LILRA2: variants seen among roughly 807,000 people sequenced by gnomAD.
LILRA2 encodes the protein leukocyte immunoglobulin-like receptor subfamily A member 2.
In LILRA2, 45 loss-of-function variants were observed where a neutral mutation model predicts 47.9. The observed-to-expected ratio is 0.94, with a 90% confidence interval of 0.74 to 1.20. LILRA2 has a LOEUF of 1.20. LILRA2 is among the 50% of genes most tolerant of loss of function. The pLI, the probability that LILRA2 is intolerant of heterozygous loss-of-function variation, is 0.00. For synonymous variants in LILRA2, 279 were observed against 249.2 expected (o/e 1.12, Z -1.13); for missense variants, 651 against 598.2 (o/e 1.09, Z -0.92).
Position 54,577,067 on chromosome 19 carries a change from A to AAAAAG in LILRA2, c.1255+958_1255+959insAAAAG, listed in dbSNP as rs1405874487. Among the ~76,000 whole-genome samples the AAAAAG allele has an allele frequency of 3.5e-3, 409 of 115,362 alleles. No individual in the cohort carries two copies. In the South Asian group the frequency reaches 0.066, roughly 19 times the overall value. 75.7% of individuals were successfully genotyped at this position (115,362 alleles called of 152,430 possible). A position where few individuals can be genotyped will look rare whatever the true frequency, so the allele number is the denominator to read the frequency against. On this transcript the variant is annotated intron_variant, in intron 6 of 7. Transcript: ENST00000391738. ...ACTGAGACTTGTTAAGAGTTAAAAA[A>AAAAAG]CCAACGGAGATGGGGGCAGGTGCAT...
chr19:54,575,716 C>A lies in LILRA2; in HGVS notation c.953-91C>A, dbSNP rs902046183. On this transcript the variant is annotated intron_variant, in intron 5 of 7. Transcript: ENST00000391738. ...AGGGGAGACTCAGAGAAAACAGAGACAGAGAGACTAAGGGTCCCAGGGAGA... is the reference window on the plus strand; with the variant it reads ...AGGGGAGACTCAGAGAAAACAGAGAAAGAGAGACTAAGGGTCCCAGGGAGA... 3 of 1,587,058 alleles carry A rather than the reference C, an allele frequency of 1.9e-6. No homozygotes were observed. In the African/African-American group the frequency reaches 4.1e-5, roughly 22 times the overall value.
chr19:54,581,518 T>C (rs1181908335), intron 6 of LILRA2, among the ~76,000 whole-genome samples: 4 of 139,444 alleles, frequency 2.9e-5, no homozygotes, highest in Admixed American at 2.2e-4. Context: ...GTTGTAGATA[T>C]GCGGCATTAT....
Position 54,577,457 on chromosome 19 carries a change from T to G in LILRA2, c.1255+1348T>G, listed in dbSNP as rs528389181. 15 of 1,276,706 alleles carry G rather than the reference T, an allele frequency of 1.2e-5. No individual in the cohort carries two copies. In the African/African-American group the frequency reaches 2.3e-4, roughly 20 times the overall value. The allele number at this position is 1,276,706 out of a possible 1,614,324, so 79.1% of individuals were successfully genotyped here. On this transcript the variant is annotated intron_variant, in intron 6 of 7. Transcript: ENST00000391738. ...GTGTATTGGCAGCTCTCATTTCTCA[T>G]TTCCAAGAGCCCCTGAGTATAAGCC...
rs543220734 is a variant in LILRA2 at position 54,574,449 on chromosome 19, A to G, written c.219A>G (p.Ile73Met). 4.6e-5 allele frequency: 75 copies of G among 1,614,096 alleles called. No individual in the cohort carries two copies. The East Asian group carries it at 1.6e-3, about 34-fold the overall frequency. The change falls in exon 3 of 8, where the codon ATA (isoleucine) becomes ATG (methionine). Residue 73 changes from isoleucine to methionine, a missense_variant. Ile to Met is a conservative substitution (Grantham distance 10, BLOSUM62 1). Coordinates refer to ENST00000391738, the MANE Select transcript of LILRA2 (RefSeq NM_001130917.3). Reference protein sequence around the residue: ...ENKSASWVRRIQEPGKNGQFP... With the variant: ...ENKSASWVRRMQEPGKNGQFP... ...AATCAGCATCCTGGGTTAGACGGAT[A>G]CAAGAGCCTGGGAAGAATGGCCAGT...
At position 54,575,362 on chromosome 19, in the gene LILRA2, T is replaced by A; in HGVS notation, c.762T>A (p.Val254=). Residue 254 remains valine, a synonymous_variant, in exon 5 of 8, where the codon GTT becomes GTA. Transcript: ENST00000391738. The stretch of plus-strand genomic sequence containing the variant: ...CTGATGTCGGCTACGACAGATTTGT[T>A]CTGTATAAGGAGGGAGAACGTGACT... ...CVSDVGYDRF[V]LYKEGERDFL... The A allele has an allele frequency of 1.9e-6, 3 of 1,614,102 alleles. No homozygotes were observed. Among genetic ancestry groups the A allele is most frequent in the Non-Finnish European group, 2.5e-6 (3 of 1,179,988 alleles).
At chr19:54,577,347 C>A (rs1386761706) in intron 6 of LILRA2, 4 of 786,692 alleles carry the variant, frequency 5.1e-6, no homozygotes, top group South Asian at 1.8e-5. Flanking sequence ...ATTTGGGGTC[C>A]AGGCCTGACT....
intron 6 of LILRA2, among the ~76,000 whole-genome samples, chr19:54,584,058 T>C (rs1240374776): frequency 2.0e-5 from 3 of 152,234 alleles, no homozygotes; most frequent in Admixed American, 2.0e-4. Context: ...TATGACAGTC[T>C]GGGTTGAAAA....
At chr19:54,586,195 T>C (rs2146024791) in intron 6 of LILRA2, among the ~76,000 whole-genome samples, 1 of 151,600 alleles carries the variant, frequency 6.6e-6, no homozygotes. Flanking sequence ...TTACACATGA[T>C]GTGAGTGGAG....
rs550856761 is a variant in LILRA2 at position 54,587,778 on chromosome 19, A to C, written c.*432A>C. ...AGATCCAAACCTGAACCACCAACTAAATCAACGACAGGAGATCAGATTCCA... is the reference window on the plus strand; with the variant it reads ...AGATCCAAACCTGAACCACCAACTACATCAACGACAGGAGATCAGATTCCA... On this transcript the variant is annotated 3_prime_UTR_variant, in exon 8 of 8. Coordinates refer to ENST00000391738, the MANE Select transcript of LILRA2 (RefSeq NM_001130917.3). The C allele has an allele frequency of 1.3e-3, 230 of 171,680 alleles. 3 individuals carry two copies. The South Asian group carries it at 0.032, about 24-fold the overall frequency. The allele number at this position is 171,680 out of a possible 1,614,324, so 10.6% of individuals were successfully genotyped here.
In LILRA2 at chr19:54,587,203, T is replaced by A. The variant is rs770431576; in HGVS notation, c.1309T>A (p.Ser437Thr). ...ACCTCTGTGACCTCTTTGTCCAGCA[T>A]CCCTAGGCCAACACCCCCAGGATTA... ...SQNKTDSTTTSLGQHPQDYTV... is the reference protein window; with the variant it reads ...SQNKTDSTTTTLGQHPQDYTV... The change falls in exon 8 of 8, where the codon TCC (serine) becomes ACC (threonine). Residue 437 changes from serine to threonine, a missense_variant and splice_region_variant. Physicochemically the swap from Ser to Thr is moderately conservative, Grantham distance 58. Coordinates refer to ENST00000391738, the MANE Select transcript of LILRA2 (RefSeq NM_001130917.3). 6.2e-7 allele frequency: 1 copy of A among 1,614,014 alleles called. No individual in the cohort carries two copies. Among genetic ancestry groups the A allele is most frequent in the Non-Finnish European group, 8.5e-7 (1 of 1,179,972 alleles).
At chr19:54,578,443 A>G (rs2145988705) in intron 6 of LILRA2, among the ~76,000 whole-genome samples, 1 of 152,274 alleles carries the variant, frequency 6.6e-6, no homozygotes, top group South Asian at 2.1e-4. Context: ...TGTCCCTGCA[A>G]AGGACATGAA....
chr19:54,585,522 G>C (rs2062773073), intron 6 of LILRA2, among the ~76,000 whole-genome samples: 1 of 152,216 alleles, frequency 6.6e-6, no homozygotes, highest in African/African-American at 2.4e-5. Context: ...CCTCCATCCA[G>C]CTGCAGCATC....
intron 6 of LILRA2, among the ~76,000 whole-genome samples, chr19:54,578,302 C>T (rs917840800): frequency 9.9e-5 from 15 of 151,938 alleles, no homozygotes; most frequent in Admixed American, 3.9e-4. Context: ...AGACTGGCCC[C>T]GGTGTGTGAT....
chr19:54,583,942 C>T (rs1034685294), intron 6 of LILRA2, among the ~76,000 whole-genome samples: 1 of 152,186 alleles, frequency 6.6e-6, no homozygotes, highest in Admixed American at 6.5e-5. Context: ...GTGCTTCCTT[C>T]AGGAGCTCTT....
chr19:54,575,716 C>G lies in LILRA2; in HGVS notation c.953-91C>G, dbSNP rs902046183. 6 of 1,589,520 alleles carry G rather than the reference C, an allele frequency of 3.8e-6. No homozygotes were observed. In the African/African-American group the frequency reaches 6.8e-5, roughly 18 times the overall value. On this transcript the variant is annotated intron_variant, in intron 5 of 7. Transcript: ENST00000391738. ...AGGGGAGACTCAGAGAAAACAGAGA[C>G]AGAGAGACTAAGGGTCCCAGGGAGA...
At chr19:54,585,412 G>A (rs2062769681) in intron 6 of LILRA2, among the ~76,000 whole-genome samples, 1 of 152,210 alleles carries the variant, frequency 6.6e-6, no homozygotes, top group Non-Finnish European at 1.5e-5. Flanking sequence ...AGAGGCAGTA[G>A]GCCTTGCTGA....
At position 54,578,694 on chromosome 19, in the gene LILRA2, T is replaced by C. The variant is rs145769739; in HGVS notation, c.1255+2585T>C. On this transcript the variant is annotated intron_variant, in intron 6 of 7. Transcript: ENST00000391738. ...CTAGTTGTAGATTCTTGAGGAATCGTCACACTGTCTTCCACAATGGTTGAA... is the reference window on the plus strand; with the variant it reads ...CTAGTTGTAGATTCTTGAGGAATCGCCACACTGTCTTCCACAATGGTTGAA... 6.3e-3 allele frequency among the ~76,000 whole-genome samples: 954 copies of C among 152,330 alleles called. 9 individuals carry two copies. Among genetic ancestry groups the C allele is most frequent in the African/African-American group, 0.022 (907 of 41,564 alleles).
At chr19:54,582,755 G>GT (rs773949277) in intron 6 of LILRA2, among the ~76,000 whole-genome samples, 3 of 151,986 alleles carry the variant, frequency 2.0e-5, no homozygotes, top group South Asian at 4.2e-4. Context: ...TTTTTGAAGG[G>GT]TTTTTTGTGT....
At position 54,575,924 on chromosome 19, in the gene LILRA2, A is replaced by G. The variant is rs200218158; in HGVS notation, c.1070A>G (p.Lys357Arg). 1 of 1,613,892 alleles carries G rather than the reference A, an allele frequency of 6.2e-7. No individual in the cohort carries two copies. Among genetic ancestry groups the G allele is most frequent in the East Asian group, 2.2e-5 (1 of 44,872 alleles). ...RGQFHTFLLT[K>R]EGAGHPPLHL... ...CAGTTCCACACTTTCCTTCTGACCA[A>G]GGAGGGGGCAGGCCATCCCCCACTG... The change falls in exon 6 of 8, where the codon AAG becomes AGG. Residue 357 changes from lysine to arginine, a missense_variant. Lys to Arg is a conservative substitution (Grantham distance 26). Coordinates refer to ENST00000391738, the MANE Select transcript of LILRA2 (RefSeq NM_001130917.3).
Sources: gnomAD v4.1 joint callset for allele counts (sites outside exome capture counted in the v4.1 genomes callset) on GRCh38, gnomAD v4.1.1 for gene constraint, MANE v1.5 for transcripts, NCBI Gene and HGNC (gene_info 2026-07-23, HGNC 2026-07-21) for gene names.